The following TCP1 variants were observed in gnomAD, a reference collection of about 807,000 sequenced individuals.
The protein encoded by TCP1 is t-complex 1, also known as T-complex protein 1 subunit alpha.
A neutral mutation model predicts 54.7 loss-of-function variants in TCP1; 6 were observed. The ratio of observed to expected loss-of-function variants is 0.11; its 90% CI spans 0.06 to 0.22. The LOEUF (loss-of-function observed/expected upper bound fraction) is 0.22. TCP1 is among the 10% of genes least tolerant of loss of function. TCP1 has a pLI of 1.00. For synonymous variants in TCP1, 225 were observed against 229.7 expected (o/e 0.98, Z 0.19); for missense variants, 511 against 678.2 (o/e 0.75, Z 2.74).
rs998634281 is a variant in TCP1 at position 159,787,791 on chromosome 6, C to T, written c.231G>A (p.Glu77=). 1.9e-6 allele frequency: 3 copies of T among 1,613,996 alleles called. No homozygotes were observed. Among genetic ancestry groups the T allele is most frequent in the Non-Finnish European group, 2.5e-6 (3 of 1,180,034 alleles). ...CTTCTTTGTCTTGCAGATCAGCCAG[C>T]TCACAAAGAACTTTAGCTGCAGGAT... ...VEHPAAKVLC[E]LADLQDKEVG... The change falls in exon 3 of 12, where the codon GAG becomes GAA. Residue 77 remains glutamate (E), a synonymous_variant. Coordinates refer to ENST00000321394, the MANE Select transcript of TCP1 (RefSeq NM_030752.3).
rs5881340 is a variant in TCP1, at chr6:159,784,307, A to AT, written c.671-241dup. On this transcript the variant is annotated intron_variant, in intron 6 of 11. Coordinates refer to ENST00000321394, the MANE Select transcript of TCP1 (RefSeq NM_030752.3). ...CATAATCCACAAAAAAACATTTTTTATTTTTTTTTTTTTTTGAGACGGAGT... is the reference window on the plus strand; with the variant it reads ...CATAATCCACAAAAAAACATTTTTTATTTTTTTTTTTTTTTTGAGACGGAGT... 4.6e-3 allele frequency among the ~76,000 whole-genome samples: 662 copies of AT among 144,032 alleles called. 2 individuals carry two copies. Among genetic ancestry groups the AT allele is most frequent in the Non-Finnish European group, 5.6e-3 (366 of 65,566 alleles). The allele number at this position is 144,032 out of a possible 152,430, so 94.5% of individuals were successfully genotyped here.
chr6:159,780,427 AG>A lies in TCP1; in HGVS notation c.1097+15del, dbSNP rs1182047165. On this transcript the variant is annotated intron_variant, in intron 9 of 11. Transcript: ENST00000321394. ...AAAATCGGTATAACTTTACAATTTT[AG>A]AAAGTGGCTCTTACTTTTTGATTAA... The A allele has an allele frequency of 1.9e-6, 3 of 1,613,448 alleles. No individual in the cohort carries two copies. The highest frequency in any genetic ancestry group is 1.3e-5 in the African/African-American group (1 of 74,956).
intron 3 of TCP1, among the ~76,000 whole-genome samples, chr6:159,786,843 A>G (rs1451862539): frequency 6.6e-6 from 1 of 152,190 alleles, no homozygotes; most frequent in Non-Finnish European, 1.5e-5. Context: ...AAGAGTTTAT[A>G]CTGTGTATCA....
chr6:159,783,809 A>G (rs1475171603), intron 7 of TCP1, 132 bp downstream of exon 7: 7 of 1,231,434 alleles, frequency 5.7e-6, no homozygotes, highest in Admixed American at 5.3e-5. Context: ...TATAGGTTGT[A>G]TAACCCCAAA....
chr6:159,783,803 G>A (rs1406833464), intron 7 of TCP1, 138 bp downstream of exon 7: 2 of 1,139,480 alleles, frequency 1.8e-6, no homozygotes, highest in African/African-American at 1.6e-5. Flanking sequence ...TTTTCATATA[G>A]GTTGTATAAC....
Position 159,785,642 on chromosome 6 carries a change from TC to T in TCP1, c.378-147del, listed in dbSNP as rs373826112. 23 of 815,426 alleles carry T rather than the reference TC, an allele frequency of 2.8e-5. No homozygotes were observed. The African/African-American group carries it at 3.8e-4, about 14-fold the overall frequency. 50.5% of individuals were successfully genotyped at this position (815,426 alleles called of 1,614,324 possible). On this transcript the variant is annotated intron_variant, in intron 4 of 11. Coordinates refer to ENST00000321394, the MANE Select transcript of TCP1 (RefSeq NM_030752.3). The stretch of plus-strand genomic sequence containing the variant: ...ATAGGAGGAGGACATGAAAAAACCC[TC>T]CCTCTTCAGATCATGGCAAGTTTAA...
intron 1 of TCP1, chr6:159,789,158 G>C: frequency 1.2e-5 from 6 of 496,550 alleles, no homozygotes; most frequent in Non-Finnish European, 2.1e-5. Context: ...CGCCGCCCCG[G>C]ACACCACATC....
chr6:159,789,385 C>A lies in TCP1; in HGVS notation c.64+20G>T, dbSNP rs1489353732. ...GCCCTCCCCGGCCGCAAACCCGACCCAGGCCCGGCCCGCCCTTACCGTTTT... is the reference window on the plus strand; with the variant it reads ...GCCCTCCCCGGCCGCAAACCCGACCAAGGCCCGGCCCGCCCTTACCGTTTT... On this transcript the variant is annotated intron_variant, in intron 1 of 11. Coordinates refer to ENST00000321394, the MANE Select transcript of TCP1 (RefSeq NM_030752.3). 5 of 1,613,374 alleles carry A rather than the reference C, an allele frequency of 3.1e-6. No individual in the cohort carries two copies. Among genetic ancestry groups the A allele is most frequent in the East Asian group, 2.2e-5 (1 of 44,850 alleles).
intron 1 of TCP1, 84 bp from the exon 2 acceptor site, chr6:159,788,227 G>T: frequency 7.9e-7 from 1 of 1,271,622 alleles, no homozygotes; most frequent in Non-Finnish European, 1.1e-6. Context: ...AAAGGTAAAT[G>T]ACATCCAACA....
intron 8 of TCP1, 132 bp from the exon 9 acceptor site, chr6:159,780,698 C>T: frequency 5.4e-6 from 7 of 1,286,460 alleles, no homozygotes; most frequent in Non-Finnish European, 7.5e-6. Flanking sequence ...CACGGTAACT[C>T]CTTTTATCCT....
chr6:159,788,814 A>T (rs1254816844), intron 1 of TCP1: 1 of 152,862 alleles, frequency 6.5e-6, no homozygotes, highest in Non-Finnish European at 1.5e-5. Context: ...AAGGCCTGAC[A>T]GCAAACGCTC....
intron 3 of TCP1, among the ~76,000 whole-genome samples, chr6:159,786,394 G>T (rs1025581236): frequency 6.6e-6 from 1 of 152,160 alleles, no homozygotes; most frequent in Non-Finnish European, 1.5e-5. Flanking sequence ...CTGGGTAGGA[G>T]CCAGAAAAAT....
At chr6:159,784,958 GCAGC>G in intron 5 of TCP1, 111 bp from the exon 6 acceptor site, 1 of 1,090,662 alleles carries the variant, frequency 9.2e-7, no homozygotes, top group African/African-American at 1.6e-5. Flanking sequence ...ATCTATTAAA[GCAGC>G]AAGCATTACT....
chr6:159,780,273 G>C (rs769494298), intron 9 of TCP1, 170 bp downstream of exon 9: 11 of 1,238,652 alleles, frequency 8.9e-6, no homozygotes, highest in African/African-American at 1.5e-5. Flanking sequence ...CTGCAGAAGA[G>C]ATGAAAATGG....
At chr6:159,788,769 A>C (rs550695954) in intron 1 of TCP1, 1 of 153,242 alleles carries the variant, frequency 6.5e-6, no homozygotes, top group Non-Finnish European at 1.5e-5. Flanking sequence ...AAAATTAGGA[A>C]TCTATCAAGA....
At chr6:159,784,635 C>T in intron 6 of TCP1, 31 bp downstream of exon 6, 3 of 1,601,264 alleles carry the variant, frequency 1.9e-6, no homozygotes, top group Non-Finnish European at 2.6e-6. Flanking sequence ...CTGTAGCAAT[C>T]TCATTCTATA....
chr6:159,783,378 T>A (rs1406921084), intron 7 of TCP1, among the ~76,000 whole-genome samples: 1 of 104,612 alleles, frequency 9.6e-6, no homozygotes, highest in Non-Finnish European at 2.0e-5. Flanking sequence ...CTGTTTAAAC[T>A]ATTTTTTTTT....
rs555308996 is a variant in TCP1 at position 159,781,139 on chromosome 6, C to A, written c.798-29G>T. The A allele has an allele frequency of 3.1e-5, 47 of 1,510,350 alleles. No individual in the cohort carries two copies. In the African/African-American group the frequency reaches 5.1e-4, roughly 16 times the overall value. 93.6% of individuals were successfully genotyped at this position (1,510,350 alleles called of 1,614,324 possible). A position where few individuals can be genotyped will look rare whatever the true frequency, so the allele number is the denominator to read the frequency against. On this transcript the variant is annotated intron_variant, in intron 7 of 11. Transcript: ENST00000321394. Reference sequence around the variant, plus strand: ...CAAAGTATTTTTGTAACCTGAGTTACCTTCTGTGATTTTTAAAAATAATTT... The same window carrying A: ...CAAAGTATTTTTGTAACCTGAGTTAACTTCTGTGATTTTTAAAAATAATTT...
intron 1 of TCP1, 95 bp from the exon 2 acceptor site, chr6:159,788,238 G>GC (rs1216709760): frequency 3.5e-6 from 4 of 1,140,684 alleles, no homozygotes; most frequent in Non-Finnish European, 5.1e-6. Context: ...ACATCCAACA[G>GC]CCCCCGTATT....
Sources: gnomAD v4.1 joint callset for allele counts (sites outside exome capture counted in the v4.1 genomes callset) on GRCh38, gnomAD v4.1.1 for gene constraint, MANE v1.5 for transcripts, NCBI Gene and HGNC (gene_info 2026-07-23, HGNC 2026-07-21) for gene names.